Variants in MGLL observed in about 807,000 individuals in gnomAD.
The protein encoded by MGLL is monoglyceride lipase, also known as lysophospholipase homolog.
In MGLL, 7 loss-of-function variants were observed where a neutral mutation model predicts 29.1. The ratio of observed to expected loss-of-function variants is 0.24; its 90% confidence interval spans 0.14 to 0.45. The LOEUF (loss-of-function observed/expected upper bound fraction) is 0.45. Among genes scored for constraint, MGLL ranks in the 20% least tolerant of loss-of-function variants. The pLI is 0.99. For missense variants in MGLL, 356 were observed against 413.6 expected (o/e 0.86, Z 1.21); for synonymous variants, 148 against 168.3 (o/e 0.88, Z 0.93).
At chr3:127,762,354 A>C (rs2076780473) in intron 3 of MGLL, among the ~76,000 whole-genome samples, 2 of 151,376 alleles carry the variant, frequency 1.3e-5, no homozygotes, top group Middle Eastern at 6.8e-3. Context: ...TTGAGCTCCC[A>C]CTTCAGAAAG....
intron 2 of MGLL, among the ~76,000 whole-genome samples, chr3:127,806,447 G>A (rs1372530733): frequency 6.6e-6 from 1 of 152,190 alleles, no homozygotes; most frequent in Admixed American, 6.5e-5. Flanking sequence ...GTGAATGGAT[G>A]GGTGGAAGGG....
At chr3:127,813,841 C>G (rs1230382832) in intron 2 of MGLL, among the ~76,000 whole-genome samples, 3 of 152,142 alleles carry the variant, frequency 2.0e-5, no homozygotes, top group South Asian at 4.1e-4. Flanking sequence ...AAAAACTATC[C>G]ATGAACCTCC....
chr3:127,708,984 C>G (rs1166236873), intron 6 of MGLL, among the ~76,000 whole-genome samples: 2 of 152,222 alleles, frequency 1.3e-5, no homozygotes, highest in Non-Finnish European at 2.9e-5. Context: ...CCATCTCTGC[C>G]CCTGACTAGT....
chr3:127,815,758 G>T (rs945490921), intron 2 of MGLL, among the ~76,000 whole-genome samples: 1 of 152,236 alleles, frequency 6.6e-6, no homozygotes, highest in Non-Finnish European at 1.5e-5. Flanking sequence ...GGGCACCTCT[G>T]TCTAATTTGC....
chr3:127,778,343 C>T (rs1019756448), intron 3 of MGLL, among the ~76,000 whole-genome samples: 20 of 152,250 alleles, frequency 1.3e-4, no homozygotes, highest in Admixed American at 6.5e-4. Context: ...GGGACAAGAA[C>T]CCCCTAACTC....
chr3:127,792,490 T>C (rs773589128), intron 2 of MGLL, among the ~76,000 whole-genome samples: 17 of 152,054 alleles, frequency 1.1e-4, no homozygotes, highest in Non-Finnish European at 1.9e-4. Flanking sequence ...GATCATGAGG[T>C]CAAGAAATCG....
At chr3:127,811,509 T>C (rs1486351772) in intron 2 of MGLL, among the ~76,000 whole-genome samples, 1 of 152,162 alleles carries the variant, frequency 6.6e-6, no homozygotes, top group Non-Finnish European at 1.5e-5. Context: ...ACAAATATAT[T>C]TTCCCCCATG....
chr3:127,709,958 T>A (rs992187539), intron 6 of MGLL, among the ~76,000 whole-genome samples: 2 of 152,182 alleles, frequency 1.3e-5, no homozygotes, highest in Non-Finnish European at 2.9e-5. Flanking sequence ...CCCCCAGGGA[T>A]CCCCTTCCTC....
chr3:127,742,844 C>T (rs1166337343), intron 3 of MGLL, among the ~76,000 whole-genome samples: 1 of 152,196 alleles, frequency 6.6e-6, no homozygotes, highest in Non-Finnish European at 1.5e-5. Flanking sequence ...TGAGCCATTT[C>T]TTGCTATGTC....
At chr3:127,813,864 A>G (rs966039973) in intron 2 of MGLL, among the ~76,000 whole-genome samples, 8 of 152,026 alleles carry the variant, frequency 5.3e-5, no homozygotes, top group African/African-American at 1.7e-4. Flanking sequence ...CAAGTCCCCA[A>G]GGTCAGGGAC....
At chr3:127,815,596 C>T (rs888685344) in intron 2 of MGLL, among the ~76,000 whole-genome samples, 1 of 152,238 alleles carries the variant, frequency 6.6e-6, no homozygotes, top group African/African-American at 2.4e-5. Flanking sequence ...CTACACCCAC[C>T]CTTTGGCTCA....
intron 3 of MGLL, among the ~76,000 whole-genome samples, chr3:127,739,665 A>G (rs2076300924): frequency 6.6e-6 from 1 of 151,934 alleles, no homozygotes. Flanking sequence ...ATTATACTGC[A>G]AACCGGCCAT....
At chr3:127,707,754 T>TA (rs2075630386) in intron 6 of MGLL, among the ~76,000 whole-genome samples, 1 of 152,222 alleles carries the variant, frequency 6.6e-6, no homozygotes, top group Admixed American at 6.5e-5. Context: ...GTTGAGACAA[T>TA]AAAAAGTCCT....
In MGLL at chr3:127,722,120, T is replaced by C. The variant is rs79461377; in HGVS notation, c.399+310A>G. 0.018 allele frequency among the ~76,000 whole-genome samples: 2,795 copies of C among 152,318 alleles called. 202 individuals are homozygous for C. The East Asian group carries it at 0.27, about 15-fold the overall frequency. On this transcript the variant is annotated intron_variant, in intron 4 of 7. Transcript: ENST00000265052. ...GTGCTTCTTATTGATGAAGGAGCTA[T>C]TCCCCCCTCCAAGAAGTGGCTCTTA... is the stretch of plus-strand genomic sequence containing the variant.
At chr3:127,782,751 GAA>G (rs923891534) in intron 2 of MGLL, among the ~76,000 whole-genome samples, 1 of 152,194 alleles carries the variant, frequency 6.6e-6, no homozygotes, top group African/African-American at 2.4e-5. Context: ...GTGATGAGGG[GAA>G]AGAGGAGGAG....
chr3:127,752,405 T>C (rs1327746560), intron 3 of MGLL, among the ~76,000 whole-genome samples: 1 of 152,248 alleles, frequency 6.6e-6, no homozygotes, highest in Non-Finnish European at 1.5e-5. Context: ...GGCCGTCATT[T>C]TGTTTTATGG....
chr3:127,812,481 G>A (rs996893779), intron 2 of MGLL, among the ~76,000 whole-genome samples: 43 of 152,336 alleles, frequency 2.8e-4, no homozygotes, highest in African/African-American at 8.9e-4. Context: ...AAAAAGGTGA[G>A]TAACCTGAGG....
chr3:127,733,914 A>G (rs540686939), intron 3 of MGLL, among the ~76,000 whole-genome samples: 105 of 152,278 alleles, frequency 6.9e-4, no homozygotes, highest in Non-Finnish European at 1.2e-3. Flanking sequence ...GCAAGTCACT[A>G]AAGAGCCCAG....
chr3:127,782,004 T>C lies in MGLL; in HGVS notation c.156-109A>G, dbSNP rs141350391. The C allele has an allele frequency of 6.0e-5, 58 of 968,534 alleles. No individual in the cohort carries two copies. In the African/African-American group the frequency reaches 6.6e-4, roughly 11 times the overall value. The allele number at this position is 968,534 out of a possible 1,614,324, so 60.0% of individuals were successfully genotyped here. On this transcript the variant is annotated intron_variant, in intron 2 of 7. Coordinates refer to ENST00000265052, the MANE Select transcript of MGLL (RefSeq NM_007283.7). ...GGGAGGCCGGGGCGGGCGGATTGCC[T>C]GAGCTCAGGAGTTTGAGACCAGCCT...
Sources: gnomAD v4.1 joint callset for allele counts (sites outside exome capture counted in the v4.1 genomes callset) on GRCh38, gnomAD v4.1.1 for gene constraint, MANE v1.5 for transcripts, NCBI Gene and HGNC (gene_info 2026-07-23, HGNC 2026-07-21) for gene names.